Variants in CEP250 observed in about 807,000 individuals in gnomAD.
CEP250 encodes centrosome-associated protein CEP250.
CEP250 carries 242 observed loss-of-function variants against 315.7 expected under a neutral mutation model. The observed-to-expected ratio is 0.77, with a 90% CI of 0.69 to 0.85. The LOEUF (loss-of-function observed/expected upper bound fraction) is 0.85. CEP250 is among the 40% of genes least tolerant of loss of function. The probability of loss-of-function intolerance (pLI) is 0.00; values close to 1 mark genes in which losing one functional copy is unlikely to be tolerated. For synonymous variants in CEP250, 1,088 were observed against 1,175.0 expected (o/e 0.93, Z 1.51); for missense variants, 2,515 against 2,886.4 (o/e 0.87, Z 2.95).
In CEP250 at chr20:35,467,368, C is replaced by T. The variant is rs763309863; in HGVS notation, c.664C>T (p.Arg222Cys). 34 of 1,614,140 alleles carry T rather than the reference C, an allele frequency of 2.1e-5. No homozygotes were observed. Among genetic ancestry groups the T allele is most frequent in the Middle Eastern group, 1.6e-4 (1 of 6,062 alleles). Reference sequence around the variant, plus strand: ...AGGGTCTCTGTTGACCTGTTGTCTGCGCTTGACTGTGGGAGCACAGTCTCG... The same window carrying T: ...AGGGTCTCTGTTGACCTGTTGTCTGTGCTTGACTGTGGGAGCACAGTCTCG... ...LSGSLLTCCL[R>C]LTVGAQSREP... The change falls in exon 9 of 35, where the codon CGC becomes TGC. Residue 222 changes from arginine (R) to cysteine (C), a missense_variant. Arg to Cys is a radical substitution (Grantham distance 180). Coordinates refer to ENST00000397527, the MANE Select transcript of CEP250 (RefSeq NM_007186.6).
chr20:35,495,095 C>G (rs970422440), intron 24 of CEP250, among the ~76,000 whole-genome samples: 3 of 152,072 alleles, frequency 2.0e-5, no homozygotes, highest in African/African-American at 7.2e-5. Flanking sequence ...GTGGAGCTAC[C>G]CATGTAAAAG....
intron 9 of CEP250, among the ~76,000 whole-genome samples, chr20:35,469,388 T>TC (rs1378880955): frequency 6.6e-6 from 1 of 152,216 alleles, no homozygotes; most frequent in Non-Finnish European, 1.5e-5. Context: ...AGCAGTAAGC[T>TC]CTAAGATATA....
At chr20:35,465,681 G>A in intron 5 of CEP250, 62 bp from the exon 6 acceptor site, 9 of 1,237,942 alleles carry the variant, frequency 7.3e-6, no homozygotes, top group Non-Finnish European at 1.0e-5. Flanking sequence ...GGGAGCCTTA[G>A]GGAACTGGTC....
At position 35,503,476 on chromosome 20, in the gene CEP250, A is replaced by T. The variant is rs1293253583; in HGVS notation, c.5107A>T (p.Arg1703Trp). The T allele has an allele frequency of 1.2e-6, 2 of 1,614,162 alleles. No individual in the cohort carries two copies. Among genetic ancestry groups the T allele is most frequent in the East Asian group, 4.5e-5 (2 of 44,878 alleles). ...RERGRELTTQ[R>W]QLMQERAEEG... ...GCGAGGCCGGGAGCTGACCACTCAG[A>T]GGCAGCTGATGCAGGAACGGGCAGA... Residue 1703 changes from arginine to tryptophan, a missense_variant, in exon 30 of 35, where the codon AGG becomes TGG. By Grantham distance (101) the Arg-to-Trp change is moderately radical. Transcript: ENST00000397527. The surrounding 1 kb of genome is among the most constrained non-coding windows in gnomAD (Gnocchi z 4.2).
In CEP250 at chr20:35,464,284, T is replaced by G. The variant is rs73094746; in HGVS notation, c.243+653T>G. On this transcript the variant is annotated intron_variant, in intron 5 of 34. Coordinates refer to ENST00000397527, the MANE Select transcript of CEP250 (RefSeq NM_007186.6). ...TGTTTGGGGTTGTTTTGCTTGCTTG[T>G]TTGGTTGGTTTTTGTTTGTTTGGTT... is the stretch of plus-strand genomic sequence containing the variant. Among the ~76,000 whole-genome samples the G allele has an allele frequency of 2.1e-3, 314 of 152,202 alleles. 2 individuals carry two copies. Among genetic ancestry groups the G allele is most frequent in the Non-Finnish European group, 2.7e-3 (183 of 67,990 alleles).
chr20:35,518,204 G>A lies in CEP250; in HGVS notation c.*6578G>A, dbSNP rs962544950. 3.3e-5 allele frequency: 5 copies of A among 150,166 alleles called. No individual in the cohort carries two copies. The highest frequency in any genetic ancestry group is 1.2e-4 in the African/African-American group (5 of 40,766). The allele number at this position is 150,166 out of a possible 1,614,324, so 9.3% of individuals were successfully genotyped here. On this transcript the variant is annotated 3_prime_UTR_variant, in exon 35 of 35. Coordinates refer to ENST00000397527, the MANE Select transcript of CEP250 (RefSeq NM_007186.6). ...TCTAAAATAGTAACTTGTCTATGTG[G>A]TGCCATAACGGGTCCAGTATCTGGA... is the stretch of plus-strand genomic sequence containing the variant.
intron 22 of CEP250, among the ~76,000 whole-genome samples, chr20:35,491,779 G>A (rs572599828): frequency 4.6e-5 from 7 of 151,298 alleles, no homozygotes; most frequent in African/African-American, 1.7e-4. Context: ...GCATTTGCCT[G>A]TAATCCCAGC....
At chr20:35,468,100 C>T (rs2062935782) in intron 9 of CEP250, among the ~76,000 whole-genome samples, 1 of 151,966 alleles carries the variant, frequency 6.6e-6, no homozygotes, top group South Asian at 2.1e-4. Context: ...AGGCACATGC[C>T]ACCATACCCA....
intron 3 of CEP250, among the ~76,000 whole-genome samples, chr20:35,460,341 C>T (rs1570841): frequency 0.34 from 52,208 of 152,040 alleles, 10,362 homozygotes; most frequent in African/African-American, 0.54. Flanking sequence ...ATTAGTAAGC[C>T]GAGTTTTCCT....
rs2062601687 is a variant in CEP250 at position 35,455,630 on chromosome 20, A to G, written c.-419A>G. 6.6e-6 allele frequency: 1 copy of G among 151,338 alleles called. No homozygotes were observed. Among genetic ancestry groups the G allele is most frequent in the Admixed American group, 6.6e-5 (1 of 15,218 alleles). 9.4% of individuals were successfully genotyped at this position (151,338 alleles called of 1,614,324 possible). On this transcript the variant is annotated 5_prime_UTR_variant, in exon 1 of 35. Transcript: ENST00000397527. ...CCCGCCACCCGACTCTGGAGCTCCC[A>G]TTCTTCAGGACCCTGCTGAAGTATC...
chr20:35,462,759 TTTTAA>T (rs1458360063), intron 4 of CEP250, among the ~76,000 whole-genome samples: 1 of 152,196 alleles, frequency 6.6e-6, no homozygotes. Flanking sequence ...TATTATATCC[TTTTAA>T]TTTAATTTTA....
intron 13 of CEP250, 29 bp downstream of exon 13, chr20:35,473,581 TC>T: frequency 6.4e-7 from 1 of 1,574,610 alleles, no homozygotes; most frequent in African/African-American, 1.3e-5. Flanking sequence ...CATCCCACCC[TC>T]CCAGCCTGGT....
chr20:35,472,871 G>GTGTC (rs760955440), intron 12 of CEP250, 40 bp downstream of exon 12: 2 of 1,610,114 alleles, frequency 1.2e-6, no homozygotes, highest in Admixed American at 1.7e-5. Context: ...ACAGGGGTTT[G>GTGTC]TGTCTAAACT....
chr20:35,462,581 G>C, intron 4 of CEP250, 28 bp downstream of exon 4: 1 of 1,557,648 alleles, frequency 6.4e-7, no homozygotes, highest in Non-Finnish European at 8.7e-7. Flanking sequence ...TTGGGGAGGG[G>C]AAAGAGAACA....
Position 35,510,007 on chromosome 20 carries a change from G to A in CEP250, c.7018G>A (p.Gly2340Arg), listed in dbSNP as rs144859303. Residue 2340 changes from glycine (G) to arginine (R), a missense_variant, in exon 34 of 35, where the codon GGA becomes AGA. By Grantham distance (125) the Gly-to-Arg change is moderately radical. Coordinates refer to ENST00000397527, the MANE Select transcript of CEP250 (RefSeq NM_007186.6). ...ASSPTQQDGR[G>R]QKNSDAKCVA... The stretch of plus-strand genomic sequence containing the variant: ...TGTTTGTCTTCCTTAGGATGGGAGA[G>A]GACAGAAGAACTCAGATGCCAAGTG... 52 of 1,614,032 alleles carry A rather than the reference G, an allele frequency of 3.2e-5. No homozygotes were observed. The highest frequency in any genetic ancestry group is 3.7e-5 in the Non-Finnish European group (44 of 1,179,996).
At position 35,479,438 on chromosome 20, in the gene CEP250, T is replaced by C; in HGVS notation, c.2288+14T>C. On this transcript the variant is annotated intron_variant, in intron 18 of 34. Coordinates refer to ENST00000397527, the MANE Select transcript of CEP250 (RefSeq NM_007186.6). Reference sequence around the variant, plus strand: ...ACAGGGGCTCAGGTAGGGCCCAGACTCAGTTCAGCCAAGCACAGAGAGAGC... The same window carrying C: ...ACAGGGGCTCAGGTAGGGCCCAGACCCAGTTCAGCCAAGCACAGAGAGAGC... 1 of 1,608,228 alleles carries C rather than the reference T, an allele frequency of 6.2e-7. No individual in the cohort carries two copies. The highest frequency in any genetic ancestry group is 8.5e-7 in the Non-Finnish European group (1 of 1,177,520).
chr20:35,462,088 T>G (rs1467086027), intron 3 of CEP250, among the ~76,000 whole-genome samples, 177 bp from the exon 4 acceptor site: 1 of 152,190 alleles, frequency 6.6e-6, no homozygotes, highest in East Asian at 1.9e-4. Context: ...CCAAAAGTCA[T>G]GCCAGGAGAC....
At chr20:35,488,340 C>T (rs2063578699) in intron 20 of CEP250, among the ~76,000 whole-genome samples, 2 of 152,212 alleles carry the variant, frequency 1.3e-5, no homozygotes, top group Non-Finnish European at 2.9e-5. Context: ...CTGTCTTTGG[C>T]TTTTTGAACC....
intron 24 of CEP250, 140 bp downstream of exon 24, chr20:35,494,797 AT>A: frequency 1.1e-6 from 1 of 924,226 alleles, no homozygotes; most frequent in Non-Finnish European, 1.6e-6. Flanking sequence ...TGGAGAGGAC[AT>A]GGTTCCTGTC....
Sources: gnomAD v4.1 joint callset for allele counts (sites outside exome capture counted in the v4.1 genomes callset) on GRCh38, gnomAD v4.1.1 for gene constraint, Gnocchi (gnomAD v3.1) non-coding constraint, MANE v1.5 for transcripts, NCBI Gene and HGNC (gene_info 2026-07-23, HGNC 2026-07-21) for gene names.